OTOG: variants seen among roughly 807,000 people sequenced by gnomAD.
The protein encoded by OTOG is otogelin.
A neutral mutation model predicts 313.8 loss-of-function variants in OTOG; 296 were observed. The ratio of observed to expected loss-of-function variants is 0.94; its 90% CI spans 0.86 to 1.04. The LOEUF is 1.04. OTOG is among the 50% of genes least tolerant of loss of function. The probability of loss-of-function intolerance (pLI) is 0.00; values close to 1 mark genes in which losing one functional copy is unlikely to be tolerated. For missense variants in OTOG, 3,948 were observed against 3,840.1 expected, an observed-to-expected ratio of 1.03 and a Z score of -0.74; for synonymous variants, 1,533 against 1,554.9, an observed-to-expected ratio of 0.99 and a Z score of 0.33.
At chr11:17,588,228 C>T (rs201811093) in intron 24 of OTOG, among the ~76,000 whole-genome samples, 2 of 152,122 alleles carry the variant, frequency 1.3e-5, no homozygotes, top group East Asian at 3.8e-4. Context: ...ATTCTACCTC[C>T]TAATACAGGG....
In OTOG at chr11:17,634,866, G is replaced by C. The variant is rs1854223352; in HGVS notation, c.7503G>C (p.Glu2501Asp). The C allele has an allele frequency of 6.5e-7, 1 of 1,549,626 alleles. No individual in the cohort carries two copies. Among genetic ancestry groups the C allele is most frequent in the East Asian group, 2.4e-5 (1 of 40,894 alleles). The change falls in exon 45 of 56, where the codon GAG becomes GAC. Residue 2501 changes from glutamate to aspartate, a missense_variant. Transcript: ENST00000399397. The stretch of plus-strand genomic sequence containing the variant: ...CAGTGTGTAACCAGACTCTGTGTGA[G>C]GGTCTCGCCCCCACATGCCGCCCAG... ...TVCVCNQTLC[E>D]GLAPTCRPGH...
Position 17,547,459 on chromosome 11 carries a change from G to T in OTOG, c.87G>T (p.Gln29His). Residue 29 changes from glutamine (Q) to histidine (H), a missense_variant, in exon 1 of 56, where the codon CAG (glutamine) becomes CAT (histidine). Transcript: ENST00000399397. ...AGGCAGCCGAGTCCCTGCGGGTGCA[G>T]CGCCTCGGTGAGAGGGTTGTGGACT... ...GEQAAESLRV[Q>H]RLAAAPVLWG... 7.3e-7 allele frequency: 1 copy of T among 1,372,528 alleles called. No homozygotes were observed. Among genetic ancestry groups the T allele is most frequent in the Non-Finnish European group, 9.4e-7 (1 of 1,068,126 alleles). 85.0% of individuals were successfully genotyped at this position (1,372,528 alleles called of 1,614,324 possible). A position where few individuals can be genotyped will look rare whatever the true frequency, so the allele number is the denominator to read the frequency against.
chr11:17,570,615 T>G, intron 17 of OTOG: 1 of 445,378 alleles, frequency 2.2e-6, no homozygotes. Flanking sequence ...AAAACACTGA[T>G]TCCTGAGTCC....
chr11:17,570,150 T>A, intron 16 of OTOG, 63 bp from the exon 17 acceptor site: 1 of 1,421,112 alleles, frequency 7.0e-7, no homozygotes, highest in East Asian at 2.5e-5. Context: ...AGGCAGGTGG[T>A]GGTGGTGGGC....
intron 23 of OTOG, among the ~76,000 whole-genome samples, chr11:17,582,868 G>T (rs1425452309): frequency 6.6e-6 from 1 of 151,882 alleles, no homozygotes; most frequent in Admixed American, 6.6e-5. Context: ...CCTTTGTCAG[G>T]CATATGTATT....
chr11:17,553,195 AC>A lies in OTOG; in HGVS notation c.371del (p.Pro124ArgfsTer96). ...ACTGCAGACGCTTCAATGCCACTGGACCGCGCTGCCAGATGGGTGGGTCTGG... is the reference window on the plus strand; with the variant it reads ...ACTGCAGACGCTTCAATGCCACTGGACGCGCTGCCAGATGGGTGGGTCTGG... ...CDCRRFNATG[P>X]RCQMVYNAGP... On this transcript the variant is annotated frameshift_variant, in exon 5 of 56. Transcript: ENST00000399397. LOFTEE classifies it high-confidence loss of function. 6.5e-7 allele frequency: 1 copy of A among 1,550,374 alleles called. No homozygotes were observed. The highest frequency in any genetic ancestry group is 8.7e-7 in the Non-Finnish European group (1 of 1,146,964).
Position 17,602,318 on chromosome 11 carries a change from C to T in OTOG, c.3818C>T (p.Ala1273Val), listed in dbSNP as rs1232870784. The part of the protein sequence containing the change: ...DIVLVRTEDV[A>V]PADIVSFLLT... ...GTCCTAGTGAGGACAGAGGATGTGGCGCCAGCAGACATTGTGAGCTTCCTG... is the reference window on the plus strand; with the variant it reads ...GTCCTAGTGAGGACAGAGGATGTGGTGCCAGCAGACATTGTGAGCTTCCTG... The change falls in exon 32 of 56, where the codon GCG becomes GTG. Residue 1273 changes from alanine to valine, a missense_variant. Transcript: ENST00000399397. 22 of 1,550,544 alleles carry T rather than the reference C, an allele frequency of 1.4e-5. No homozygotes were observed. Among genetic ancestry groups the T allele is most frequent in the East Asian group, 4.9e-5 (2 of 40,918 alleles).
intron 23 of OTOG, among the ~76,000 whole-genome samples, chr11:17,583,509 G>T (rs77817945): frequency 0.036 from 5,540 of 152,214 alleles, 116 homozygotes; most frequent in South Asian, 0.075. Context: ...TGGAGTCAAG[G>T]TATGTTTTAT....
intron 39 of OTOG, among the ~76,000 whole-genome samples, chr11:17,617,190 C>T (rs1435822570): frequency 1.3e-5 from 2 of 152,046 alleles, no homozygotes; most frequent in African/African-American, 4.8e-5. Context: ...TCTTGCCTTC[C>T]TGGAATTTAC....
chr11:17,642,305 G>A, intron 53 of OTOG, 59 bp downstream of exon 53: 1 of 1,504,570 alleles, frequency 6.6e-7, no homozygotes, highest in East Asian at 2.5e-5. Flanking sequence ...TCTCACTGGT[G>A]GTGGGGTGGA....
intron 31 of OTOG, 78 bp downstream of exon 31, chr11:17,599,775 C>T (rs1853201706): frequency 1.4e-6 from 2 of 1,476,046 alleles, no homozygotes; most frequent in Middle Eastern, 1.7e-4. Flanking sequence ...CAGCATCAGC[C>T]ATCCCGAGGC....
At chr11:17,644,022 G>A (rs1848025318) in intron 54 of OTOG, among the ~76,000 whole-genome samples, 1 of 152,196 alleles carries the variant, frequency 6.6e-6, no homozygotes, top group South Asian at 2.1e-4. Flanking sequence ...CAGCCGCATT[G>A]CTATGTCCAG....
chr11:17,645,917 C>T lies in OTOG; in HGVS notation c.8715C>T (p.Pro2905=). The T allele has an allele frequency of 6.5e-7, 1 of 1,550,034 alleles. No individual in the cohort carries two copies. The highest frequency in any genetic ancestry group is 8.7e-7 in the Non-Finnish European group (1 of 1,146,990). The change falls in exon 56 of 56, where the codon CCC becomes CCT. Residue 2905 remains proline, a synonymous_variant. Transcript: ENST00000399397. ...GGGTGCCCTATACAGTGCAGGAGCCCACCGACTGTGCCTGCCAGTGGTCCT... is the reference window on the plus strand; with the variant it reads ...GGGTGCCCTATACAGTGCAGGAGCCTACCGACTGTGCCTGCCAGTGGTCCT... ...ATWVPYTVQE[P]TDCACQWS
At chr11:17,630,488 T>G (rs1303451105) in intron 40 of OTOG, among the ~76,000 whole-genome samples, 1 of 152,244 alleles carries the variant, frequency 6.6e-6, no homozygotes, top group Non-Finnish European at 1.5e-5. Context: ...ATGCTTTATA[T>G]TCACAGAATC....
intron 33 of OTOG, among the ~76,000 whole-genome samples, chr11:17,607,485 C>G (rs1263293976): frequency 6.6e-6 from 1 of 152,236 alleles, no homozygotes; most frequent in Non-Finnish European, 1.5e-5. Flanking sequence ...CTTTCACTTT[C>G]TCAGCATCAT....
At chr11:17,557,832 G>A (rs1365343628) in intron 8 of OTOG, among the ~76,000 whole-genome samples, 7 of 152,118 alleles carry the variant, frequency 4.6e-5, no homozygotes, top group Admixed American at 4.6e-4. Context: ...CAATCTCACT[G>A]GGAGATTATG....
rs901711378 is a variant in OTOG, at chr11:17,615,418, C to T, written c.6528+1717C>T. On this transcript the variant is annotated intron_variant, in intron 39 of 55. Transcript: ENST00000399397. ...GATACTGGTGTTGTACTTGATGAAC[C>T]TTGCCCAAAGTCACACAGAATCTCT... Among the ~76,000 whole-genome samples, 8 of 152,252 alleles carry T rather than the reference C, an allele frequency of 5.3e-5. No homozygotes were observed. In the East Asian group the frequency reaches 1.5e-3, roughly 29 times the overall value.
rs542647470 is a variant in OTOG at position 17,639,853 on chromosome 11, T to C, written c.7935+390T>C. 2.8e-5 allele frequency among the ~76,000 whole-genome samples: 4 copies of C among 142,194 alleles called. No individual in the cohort carries two copies. The South Asian group carries it at 9.0e-4, about 32-fold the overall frequency. 93.3% of individuals were successfully genotyped at this position (142,194 alleles called of 152,430 possible). ...ATGGTGAGGATGATGGTGGTGGTGA[T>C]GGTGATAATGCAATGGTGATGGTGG... On this transcript the variant is annotated intron_variant, in intron 49 of 55. Transcript: ENST00000399397.
At chr11:17,603,737 G>A (rs1418623799) in intron 32 of OTOG, among the ~76,000 whole-genome samples, 4 of 152,190 alleles carry the variant, frequency 2.6e-5, no homozygotes, top group Non-Finnish European at 5.9e-5. Flanking sequence ...TTAAAGGATG[G>A]GAAAGATGGT....
Sources: allele counts gnomAD v4.1 joint callset (sites outside exome capture counted in the v4.1 genomes callset), GRCh38; gene constraint gnomAD v4.1.1; transcripts MANE v1.5; gene names NCBI Gene and HGNC (gene_info 2026-07-23, HGNC 2026-07-21).